Variants in GNAQ observed in about 807,000 individuals in gnomAD.
GNAQ encodes guanine nucleotide-binding protein G(q) subunit alpha.
Under a neutral mutation model 43.9 loss-of-function variants are expected in GNAQ, and 8 were observed. The observed-to-expected ratio is 0.18, with a 90% CI of 0.11 to 0.33. The LOEUF (loss-of-function observed/expected upper bound fraction) is 0.33. Among genes scored for constraint, GNAQ ranks in the 10% least tolerant of loss-of-function variants. GNAQ has a pLI of 1.00. For synonymous variants in GNAQ, 155 were observed against 170.7 expected, an observed-to-expected ratio of 0.91 and a Z score of 0.71; for missense variants, 158 against 450.8, an observed-to-expected ratio of 0.35 and a Z score of 5.88.
intron 4 of GNAQ, among the ~76,000 whole-genome samples, chr9:77,795,582 T>C (rs1009653950): frequency 1.6e-4 from 25 of 152,094 alleles, no homozygotes; most frequent in African/African-American, 5.8e-4. Flanking sequence ...AAACAAGAAC[T>C]AAGATCTTCT....
intron 1 of GNAQ, among the ~76,000 whole-genome samples, chr9:77,985,675 C>T (rs1364017555): frequency 6.6e-6 from 1 of 152,054 alleles, no homozygotes; most frequent in Non-Finnish European, 1.5e-5. Context: ...ATCTCTCTGC[C>T]TCCCGGGTTC....
At chr9:77,810,858 A>G (rs1564117492) in intron 3 of GNAQ, among the ~76,000 whole-genome samples, 1 of 152,338 alleles carries the variant, frequency 6.6e-6, no homozygotes, top group East Asian at 1.9e-4. Context: ...CAGTGTTAAG[A>G]TAGAAGACAT....
At chr9:78,013,924 A>C (rs1161900267) in intron 1 of GNAQ, among the ~76,000 whole-genome samples, 1 of 152,152 alleles carries the variant, frequency 6.6e-6, no homozygotes, top group Non-Finnish European at 1.5e-5. Flanking sequence ...TCTAACCCTT[A>C]AAGTTTGCTG....
At chr9:77,863,216 A>AAGGAAGGAAGGG (rs1281288103) in intron 2 of GNAQ, among the ~76,000 whole-genome samples, 18 of 149,060 alleles carry the variant, frequency 1.2e-4, no homozygotes, top group East Asian at 5.9e-4. Flanking sequence ...GGAAGGAAGG[A>AAGGAAGGAAGGG]AGGGAGGAAG....
intron 1 of GNAQ, among the ~76,000 whole-genome samples, chr9:77,983,804 C>T (rs1360559464): frequency 6.6e-6 from 1 of 151,958 alleles, no homozygotes; most frequent in Non-Finnish European, 1.5e-5. Context: ...TGACTCTATT[C>T]CACTCTTTTA....
chr9:77,836,370 T>C (rs1827384864), intron 2 of GNAQ, among the ~76,000 whole-genome samples: 1 of 152,232 alleles, frequency 6.6e-6, no homozygotes, highest in African/African-American at 2.4e-5. Flanking sequence ...AGCAGTGAAC[T>C]TTCCCATCTG....
chr9:77,860,213 G>A (rs1280412672), intron 2 of GNAQ, among the ~76,000 whole-genome samples: 1 of 152,168 alleles, frequency 6.6e-6, no homozygotes, highest in African/African-American at 2.4e-5. Context: ...GTTAGCTGGA[G>A]CTTATGGCTG....
chr9:78,022,195 G>C (rs973137331), intron 1 of GNAQ, among the ~76,000 whole-genome samples: 1 of 152,162 alleles, frequency 6.6e-6, no homozygotes, highest in African/African-American at 2.4e-5. Flanking sequence ...CCTCCTAGTA[G>C]AGCCCATCAC....
At chr9:77,888,591 T>C (rs575940532) in intron 2 of GNAQ, among the ~76,000 whole-genome samples, 149 of 152,262 alleles carry the variant, frequency 9.8e-4, no homozygotes, top group Admixed American at 3.5e-3. Context: ...CATTTAAACC[T>C]TATTTTGAGT....
intron 5 of GNAQ, among the ~76,000 whole-genome samples, chr9:77,777,964 G>A (rs538468848): frequency 2.6e-5 from 4 of 151,888 alleles, no homozygotes; most frequent in Non-Finnish European, 5.9e-5. Context: ...TCTACTCCCA[G>A]GAATACACCC....
intron 1 of GNAQ, among the ~76,000 whole-genome samples, chr9:77,993,147 C>T (rs2060902825): frequency 1.3e-5 from 2 of 152,152 alleles, no homozygotes; most frequent in South Asian, 4.1e-4. Context: ...TGCAAGTCAA[C>T]TTAATTCAGC....
In GNAQ at chr9:77,827,184, G is replaced by A. The variant is rs544765802; in HGVS notation, c.322-11414C>T. 5.9e-5 allele frequency among the ~76,000 whole-genome samples: 9 copies of A among 151,858 alleles called. No individual in the cohort carries two copies. The South Asian group carries it at 1.9e-3, about 32-fold the overall frequency. On this transcript the variant is annotated intron_variant, in intron 2 of 6. Transcript: ENST00000286548. ...TATATTGCATTAATCTCAATGTTGA[G>A]TTTTTAAAACAGGCAAAGACCACAA...
intron 2 of GNAQ, among the ~76,000 whole-genome samples, chr9:77,827,636 T>C (rs1458750516): frequency 6.6e-6 from 1 of 151,976 alleles, no homozygotes; most frequent in African/African-American, 2.4e-5. Context: ...CTTACTAACC[T>C]CTTCTGTGTT....
chr9:78,007,051 G>A (rs1823715789), intron 1 of GNAQ, among the ~76,000 whole-genome samples: 1 of 152,128 alleles, frequency 6.6e-6, no homozygotes. Context: ...CTGATGACTG[G>A]TTCTACATTC....
At chr9:77,772,486 CA>C (rs1265966338) in intron 5 of GNAQ, among the ~76,000 whole-genome samples, 1 of 152,174 alleles carries the variant, frequency 6.6e-6, no homozygotes, top group Non-Finnish European at 1.5e-5. Flanking sequence ...TACACTGAGA[CA>C]AACCTAGTAC....
intron 1 of GNAQ, among the ~76,000 whole-genome samples, chr9:77,939,224 T>A (rs976018237): frequency 1.3e-5 from 2 of 152,220 alleles, no homozygotes; most frequent in Non-Finnish European, 2.9e-5. Context: ...ACATTTACAG[T>A]CTTTTATAGC....
At chr9:77,875,951 T>C (rs529677950) in intron 2 of GNAQ, among the ~76,000 whole-genome samples, 6 of 152,158 alleles carry the variant, frequency 3.9e-5, no homozygotes, top group Non-Finnish European at 7.3e-5. Flanking sequence ...TGCAGCAGCA[T>C]TTCCCCAAAT....
Position 77,920,855 on chromosome 9 carries a change from C to G in GNAQ, c.321+1306G>C, listed in dbSNP as rs1828985967. Among the ~76,000 whole-genome samples, 4 of 152,210 alleles carry G rather than the reference C, an allele frequency of 2.6e-5. No homozygotes were observed. The South Asian group carries it at 8.3e-4, about 32-fold the overall frequency. On this transcript the variant is annotated intron_variant, in intron 2 of 6. Transcript: ENST00000286548. ...GGAACCATCTAAGAAAAACAAATGC[C>G]TGATTTTAAGATGATTTGGTATTTT...
At position 77,889,826 on chromosome 9, in the gene GNAQ, C is replaced by T. The variant is rs984894393; in HGVS notation, c.321+32335G>A. Among the ~76,000 whole-genome samples, 4 of 152,068 alleles carry T rather than the reference C, an allele frequency of 2.6e-5. No homozygotes were observed. In the East Asian group the frequency reaches 7.7e-4, roughly 29 times the overall value. On this transcript the variant is annotated intron_variant, in intron 2 of 6. Coordinates refer to ENST00000286548, the MANE Select transcript of GNAQ (RefSeq NM_002072.5). Reference sequence around the variant, plus strand: ...TATACCTGTTCTTTTGGTTTTTTCCCAAACTCTTAAATTATCATGGCCTAG... The same window carrying T: ...TATACCTGTTCTTTTGGTTTTTTCCTAAACTCTTAAATTATCATGGCCTAG...
Sources: allele counts gnomAD v4.1 joint callset (sites outside exome capture counted in the v4.1 genomes callset), GRCh38; gene constraint gnomAD v4.1.1; transcripts MANE v1.5; gene names NCBI Gene and HGNC (gene_info 2026-07-23, HGNC 2026-07-21).